Variants in ANKRD44 observed in about 807,000 individuals in gnomAD.
ANKRD44 encodes ankyrin repeat domain 44.
A neutral mutation model predicts 116.0 loss-of-function variants in ANKRD44; 35 were observed. That is an observed-to-expected ratio of 0.30 (90% confidence interval 0.23 to 0.40). The LOEUF (loss-of-function observed/expected upper bound fraction) is 0.40, where lower values mean the gene tolerates loss of function less well. Ranked by LOEUF, ANKRD44 falls within the 10% of genes least tolerant of loss-of-function variation. The pLI is 1.00. For missense variants in ANKRD44, 1,014 were observed against 1,242.6 expected (o/e 0.82, Z 2.77); for synonymous variants, 435 against 461.8 (o/e 0.94, Z 0.74).
At chr2:197,027,419 G>T (rs969858728) in intron 16 of ANKRD44, among the ~76,000 whole-genome samples, 2 of 152,068 alleles carry the variant, frequency 1.3e-5, no homozygotes, top group Non-Finnish European at 2.9e-5. Flanking sequence ...GGAGCTCAGG[G>T]TATTTAAAGC....
chr2:197,210,505 G>A (rs1165367730), intron 1 of ANKRD44, among the ~76,000 whole-genome samples: 2 of 152,172 alleles, frequency 1.3e-5, no homozygotes, highest in Non-Finnish European at 2.9e-5. Flanking sequence ...ACACTGAGCT[G>A]GTTCCTCTGG....
intron 1 of ANKRD44, among the ~76,000 whole-genome samples, chr2:197,227,885 T>C (rs2081757877): frequency 6.6e-6 from 1 of 152,228 alleles, no homozygotes; most frequent in African/African-American, 2.4e-5. Context: ...AGATAATTTA[T>C]ATAAAAGCAT....
chr2:196,972,863 T>C (rs552221964), intron 21 of ANKRD44, among the ~76,000 whole-genome samples: 1 of 152,256 alleles, frequency 6.6e-6, no homozygotes, highest in Admixed American at 6.5e-5. Context: ...CTAATGTTAA[T>C]GGATATTGAA....
intron 1 of ANKRD44, among the ~76,000 whole-genome samples, chr2:197,230,873 C>G (rs562295164): frequency 2.4e-4 from 36 of 152,236 alleles, no homozygotes; most frequent in African/African-American, 8.7e-4. Context: ...AGGAAAGAAT[C>G]ACATGAGAGA....
At chr2:197,151,011 C>T (rs2079632887) in intron 2 of ANKRD44, among the ~76,000 whole-genome samples, 1 of 151,820 alleles carries the variant, frequency 6.6e-6, no homozygotes. Context: ...TGAGCATTCA[C>T]ATCCCCAGAG....
intron 1 of ANKRD44, among the ~76,000 whole-genome samples, chr2:197,217,040 A>T (rs1002788523): frequency 2.0e-5 from 3 of 152,130 alleles, no homozygotes; most frequent in Non-Finnish European, 2.9e-5. Flanking sequence ...CTCTAAGAGG[A>T]CTCTGAAGAT....
At chr2:197,034,360 A>G (rs2076768695) in intron 16 of ANKRD44, among the ~76,000 whole-genome samples, 1 of 151,766 alleles carries the variant, frequency 6.6e-6, no homozygotes, top group South Asian at 2.1e-4. Context: ...TTCTTGTAAG[A>G]ATACTCCCAT....
chr2:197,170,569 T>C (rs1428188668), intron 2 of ANKRD44, among the ~76,000 whole-genome samples: 1 of 152,216 alleles, frequency 6.6e-6, no homozygotes, highest in East Asian at 1.9e-4. Context: ...TTCTTTAAGC[T>C]TTGTGCATCT....
At chr2:197,093,574 T>C (rs16861772) in intron 10 of ANKRD44, among the ~76,000 whole-genome samples, 1,554 of 152,312 alleles carry the variant, frequency 0.01, 30 homozygotes, top group African/African-American at 0.036. Context: ...TAGACTCAAA[T>C]ACTATTGGCA....
intron 1 of ANKRD44, among the ~76,000 whole-genome samples, chr2:197,194,301 A>T (rs919625653): frequency 1.3e-5 from 2 of 152,198 alleles, no homozygotes; most frequent in African/African-American, 4.8e-5. Flanking sequence ...TAACTCACTG[A>T]ACTAATACAT....
chr2:197,053,251 C>A (rs1487019171), intron 16 of ANKRD44, among the ~76,000 whole-genome samples: 6 of 152,048 alleles, frequency 3.9e-5, no homozygotes, highest in Non-Finnish European at 8.8e-5. Flanking sequence ...TTTGCGTACA[C>A]AAGAAAAAAG....
chr2:196,979,276 G>A (rs1448892979), intron 21 of ANKRD44, among the ~76,000 whole-genome samples: 2 of 151,362 alleles, frequency 1.3e-5, no homozygotes, highest in Non-Finnish European at 2.9e-5. Flanking sequence ...CCAGCTACTC[G>A]GGAGGCTGAG....
At chr2:197,150,990 A>G (rs868766669) in intron 2 of ANKRD44, among the ~76,000 whole-genome samples, 1 of 152,136 alleles carries the variant, frequency 6.6e-6, no homozygotes, top group Admixed American at 6.6e-5. Flanking sequence ...GGGGAATAAA[A>G]ATGTTTCCAC....
intron 16 of ANKRD44, among the ~76,000 whole-genome samples, chr2:197,038,428 T>G (rs1198938013): frequency 2.6e-5 from 4 of 152,194 alleles, no homozygotes; most frequent in African/African-American, 7.2e-5. Flanking sequence ...GAACATAGTC[T>G]TATAACTGAA....
intron 21 of ANKRD44, among the ~76,000 whole-genome samples, chr2:196,974,331 C>T (rs1396218100): frequency 1.3e-5 from 2 of 152,058 alleles, no homozygotes; most frequent in South Asian, 4.1e-4. Flanking sequence ...GATCTGCCTG[C>T]CTCAGCCTCC....
At position 197,105,344 on chromosome 2, in the gene ANKRD44, C is replaced by T. The variant is rs1005551745; in HGVS notation, c.986-5414G>A. On this transcript the variant is annotated intron_variant, in intron 9 of 27. Coordinates refer to ENST00000282272, the MANE Select transcript of ANKRD44 (RefSeq NM_001195144.2). ...GGCCAGGCTAGTCTCTAATGCTGAC[C>T]TCAAGCAATCCACCTGCCTCAGCCT... 2.0e-5 allele frequency among the ~76,000 whole-genome samples: 3 copies of T among 152,258 alleles called. No homozygotes were observed. The East Asian group carries it at 5.8e-4, about 29-fold the overall frequency.
intron 13 of ANKRD44, among the ~76,000 whole-genome samples, chr2:197,086,309 C>A (rs988963999): frequency 6.6e-6 from 1 of 152,006 alleles, no homozygotes; most frequent in Non-Finnish European, 1.5e-5. Flanking sequence ...GAAAATTCAT[C>A]CCAAGATGAA....
chr2:197,204,154 G>T (rs937648013), intron 1 of ANKRD44, among the ~76,000 whole-genome samples: 1 of 152,044 alleles, frequency 6.6e-6, no homozygotes, highest in Non-Finnish European at 1.5e-5. Context: ...TATTAAAATT[G>T]GCCTTTTGAG....
chr2:197,035,881 G>C (rs1423073257), intron 16 of ANKRD44, among the ~76,000 whole-genome samples: 1 of 152,056 alleles, frequency 6.6e-6, no homozygotes, highest in African/African-American at 2.4e-5. Flanking sequence ...ACTGGTTTGA[G>C]GTTGGGAGAT....
Sources: gnomAD v4.1 joint callset for allele counts (sites outside exome capture counted in the v4.1 genomes callset) on GRCh38, gnomAD v4.1.1 for gene constraint, MANE v1.5 for transcripts, NCBI Gene and HGNC (gene_info 2026-07-23, HGNC 2026-07-21) for gene names.